The following SORCS3 variants were observed in gnomAD, a reference collection of about 807,000 sequenced individuals.
The protein encoded by SORCS3 is VPS10 domain-containing receptor SorCS3.
A neutral mutation model predicts 146.3 loss-of-function variants in SORCS3; 57 were observed. The ratio of observed to expected loss-of-function variants is 0.39; its 90% CI spans 0.31 to 0.49. SORCS3 has a LOEUF of 0.49. Among genes scored for constraint, SORCS3 ranks in the 20% least tolerant of loss-of-function variants. The pLI is 0.92. For synonymous variants in SORCS3, 653 were observed against 618.5 expected, an observed-to-expected ratio of 1.06 and a Z score of -0.83; for missense variants, 1,341 against 1,575.5, an observed-to-expected ratio of 0.85 and a Z score of 2.52.
chr10:104,689,662 C>CT lies in SORCS3; in HGVS notation c.627+47716dup, dbSNP rs549786260. ...TCTCAGTGGTTTATTACAACTTGAC[C>CT]TTTTTTTTCATTTTGTCAGTCTTCA... On this transcript the variant is annotated intron_variant, in intron 1 of 26. Transcript: ENST00000369701. Among the ~76,000 whole-genome samples the CT allele has an allele frequency of 1.2e-3, 183 of 152,070 alleles. 2 individuals carry two copies. The Middle Eastern group carries it at 0.02, about 17-fold the overall frequency.
chr10:104,749,584 C>A (rs532376169), intron 1 of SORCS3, among the ~76,000 whole-genome samples: 35 of 152,146 alleles, frequency 2.3e-4, no homozygotes, highest in South Asian at 1.2e-3. Context: ...ATATTCCCAG[C>A]CCCCTCAGCA....
intron 6 of SORCS3, 93 bp from the exon 7 acceptor site, chr10:105,105,304 T>G: frequency 1.4e-6 from 1 of 712,132 alleles, no homozygotes. Context: ...ATTACCTTGT[T>G]GATTCCCCCA....
chr10:105,127,780 C>T (rs2055986797), intron 7 of SORCS3, among the ~76,000 whole-genome samples: 1 of 152,106 alleles, frequency 6.6e-6, no homozygotes, highest in Non-Finnish European at 1.5e-5. Flanking sequence ...CCCTGGGAAT[C>T]AGAGGAAGAA....
At chr10:105,257,786 A>C (rs1237329871) in intron 25 of SORCS3, among the ~76,000 whole-genome samples, 1 of 152,194 alleles carries the variant, frequency 6.6e-6, no homozygotes, top group African/African-American at 2.4e-5. Flanking sequence ...CGAACTAAGT[A>C]ATCAAAAAAG....
chr10:104,788,329 T>C (rs2017460902), intron 1 of SORCS3, among the ~76,000 whole-genome samples: 1 of 152,180 alleles, frequency 6.6e-6, no homozygotes, highest in African/African-American at 2.4e-5. Context: ...ATTTATAGAA[T>C]GGAATACTAT....
chr10:104,729,737 T>G (rs2016684690), intron 1 of SORCS3, among the ~76,000 whole-genome samples: 1 of 152,212 alleles, frequency 6.6e-6, no homozygotes, highest in Non-Finnish European at 1.5e-5. Flanking sequence ...ACAGAACCTG[T>G]CATGATGGAG....
At chr10:104,985,824 A>ATTC (rs2054958977) in intron 4 of SORCS3, among the ~76,000 whole-genome samples, 1 of 152,068 alleles carries the variant, frequency 6.6e-6, no homozygotes, top group African/African-American at 2.4e-5. Context: ...TTTTCTTAGT[A>ATTC]GTAGGTCTCA....
intron 1 of SORCS3, among the ~76,000 whole-genome samples, chr10:104,830,023 G>A (rs1156479943): frequency 2.0e-5 from 3 of 152,060 alleles, no homozygotes. Flanking sequence ...ACATGTATTA[G>A]GTATTCGTCC....
chr10:105,107,966 A>G (rs973179364), intron 7 of SORCS3, among the ~76,000 whole-genome samples: 4 of 152,242 alleles, frequency 2.6e-5, no homozygotes, highest in South Asian at 4.2e-4. Flanking sequence ...TGCTGGGTGG[A>G]TTATATTTAT....
chr10:104,770,472 A>AT (rs1339733772), intron 1 of SORCS3, among the ~76,000 whole-genome samples: 1 of 152,074 alleles, frequency 6.6e-6, no homozygotes, highest in Non-Finnish European at 1.5e-5. Context: ...GCACTGCTTG[A>AT]TAGAAGTACA....
chr10:104,801,985 A>G (rs2017629594), intron 1 of SORCS3, among the ~76,000 whole-genome samples: 1 of 152,212 alleles, frequency 6.6e-6, no homozygotes. Context: ...TCCCATTGCC[A>G]GCTCACTAAG....
At chr10:105,199,365 T>TA (rs1162554751) in intron 14 of SORCS3, among the ~76,000 whole-genome samples, 1 of 152,084 alleles carries the variant, frequency 6.6e-6, no homozygotes, top group African/African-American at 2.4e-5. Flanking sequence ...TAAATATGAG[T>TA]TCCTTTTATG....
chr10:104,746,181 G>T (rs2016907098), intron 1 of SORCS3, among the ~76,000 whole-genome samples: 1 of 151,270 alleles, frequency 6.6e-6, no homozygotes, highest in South Asian at 2.1e-4. Context: ...CTGTCACCCA[G>T]GTTGGAGTGC....
chr10:104,868,743 TC>T (rs1253783075), intron 2 of SORCS3, among the ~76,000 whole-genome samples: 1 of 152,154 alleles, frequency 6.6e-6, no homozygotes, highest in Non-Finnish European at 1.5e-5. Context: ...GGAATTTGAG[TC>T]CCTGAGCTCA....
chr10:104,849,677 G>T (rs970594906), intron 2 of SORCS3, among the ~76,000 whole-genome samples: 5 of 152,176 alleles, frequency 3.3e-5, no homozygotes, highest in Non-Finnish European at 5.9e-5. Context: ...AGGTTTTGTG[G>T]AAATTCAGTG....
At chr10:104,975,409 G>A (rs2054889332) in intron 3 of SORCS3, among the ~76,000 whole-genome samples, 1 of 151,822 alleles carries the variant, frequency 6.6e-6, no homozygotes, top group South Asian at 2.1e-4. Context: ...TGAAATAAAA[G>A]AGGATACAAA....
chr10:104,909,025 A>G (rs757482410), intron 2 of SORCS3, among the ~76,000 whole-genome samples: 10 of 152,128 alleles, frequency 6.6e-5, no homozygotes, highest in Non-Finnish European at 1.2e-4. Flanking sequence ...GGGTGAGAAC[A>G]TGACTCGGGG....
intron 4 of SORCS3, among the ~76,000 whole-genome samples, chr10:105,002,060 G>A (rs2055065536): frequency 1.3e-5 from 2 of 152,128 alleles, no homozygotes; most frequent in Admixed American, 6.5e-5. Flanking sequence ...ATCAAAATGA[G>A]AGAGATCAAT....
intron 25 of SORCS3, among the ~76,000 whole-genome samples, chr10:105,259,814 T>C (rs1018569194): frequency 6.6e-6 from 1 of 152,318 alleles, no homozygotes; most frequent in Admixed American, 6.5e-5. Flanking sequence ...TCATAATAGA[T>C]GGATAAATAG....
Sources: gnomAD v4.1 joint callset for allele counts (sites outside exome capture counted in the v4.1 genomes callset) on GRCh38, gnomAD v4.1.1 for gene constraint, MANE v1.5 for transcripts, NCBI Gene and HGNC (gene_info 2026-07-23, HGNC 2026-07-21) for gene names.